Variants in UGT1A9 observed in about 807,000 individuals in gnomAD.
UGT1A9 encodes the protein UDP-glucuronosyltransferase 1A9.
Under a neutral mutation model 45.0 loss-of-function variants are expected in UGT1A9, and 35 were observed. That is an observed-to-expected ratio of 0.78 (90% CI 0.59 to 1.03). The LOEUF is 1.03. Ranked by LOEUF, UGT1A9 falls within the 50% of genes least tolerant of loss-of-function variation. The probability of loss-of-function intolerance (pLI) is 0.00; values close to 1 mark genes in which losing one functional copy is unlikely to be tolerated. For synonymous variants in UGT1A9, 278 were observed against 250.6 expected (o/e 1.11, Z -1.03); for missense variants, 687 against 666.6 (o/e 1.03, Z -0.34).
intron 1 of UGT1A9, chr2:233,747,179 G>A: frequency 3.7e-6 from 6 of 1,601,464 alleles, no homozygotes; most frequent in Non-Finnish European, 3.4e-6. Context: ...GCACAGCGTG[G>A]GGTGGACAGT....
At position 233,672,762 on chromosome 2, in the gene UGT1A9, C is replaced by T; in HGVS notation, c.828C>T (p.Asn276=). 1 of 1,613,872 alleles carries T rather than the reference C, an allele frequency of 6.2e-7. No homozygotes were observed. Among genetic ancestry groups the T allele is most frequent in the Non-Finnish European group, 8.5e-7 (1 of 1,179,784 alleles). Reference sequence around the variant, plus strand: ...ACATGATCTTCATTGGTGGTATCAACTGCCATCAGGGAAAGCCGTTGCCTA... The same window carrying T: ...ACATGATCTTCATTGGTGGTATCAATTGCCATCAGGGAAAGCCGTTGCCTA... ...MPNMIFIGGI[N]CHQGKPLPME... The change falls in exon 1 of 5, where the codon AAC becomes AAT. Residue 276 remains asparagine (N), a synonymous_variant. Coordinates refer to ENST00000354728, the MANE Select transcript of UGT1A9 (RefSeq NM_021027.3).
chr2:233,752,202 T>G (rs1037176887), intron 1 of UGT1A9: 1 of 152,188 alleles, frequency 6.6e-6, no homozygotes, highest in African/African-American at 2.4e-5. Context: ...TGTGTTGAAC[T>G]CCAGCCAGAA....
intron 1 of UGT1A9, chr2:233,718,981 G>C: frequency 1.9e-6 from 3 of 1,614,238 alleles, no homozygotes; most frequent in Non-Finnish European, 2.5e-6. Flanking sequence ...CTCCATGCCA[G>C]AGGCCACCAG....
rs373150809 is a variant in UGT1A9, at chr2:233,672,158, A to G, written c.224A>G (p.Lys75Arg). 1.4e-5 allele frequency: 22 copies of G among 1,614,080 alleles called. No homozygotes were observed. The highest frequency in any genetic ancestry group is 8.9e-5 in the East Asian group (4 of 44,902). Reference sequence around the variant, plus strand: ...GGAAGATCACTGAATTGCACAGTGAAGACTTATTCAACTTCATATACCCTG... The same window carrying G: ...GGAAGATCACTGAATTGCACAGTGAGGACTTATTCAACTTCATATACCCTG... ...QLGRSLNCTV[K>R]TYSTSYTLED... is the part of the protein sequence containing the mutation. The change falls in exon 1 of 5, where the codon AAG (lysine) becomes AGG (arginine). Residue 75 changes from lysine to arginine, a missense_variant. By Grantham distance (26) the Lys-to-Arg change is conservative (BLOSUM62 2). Transcript: ENST00000354728.
intron 1 of UGT1A9, among the ~76,000 whole-genome samples, chr2:233,707,554 G>GTTTTTTTTTTTTTTTTTTTTTTT (rs2075972438): frequency 7.1e-6 from 1 of 141,820 alleles, no homozygotes. Context: ...TTTTTTTTTG[G>GTTTTTTTTTTTTTTTTTTTTTTT]TTCAACCTTA....
In UGT1A9 at chr2:233,738,243, A is replaced by C. The variant is rs57963849; in HGVS notation, c.856-28791A>C. Among the ~76,000 whole-genome samples, 1,478 of 152,302 alleles carry C rather than the reference A, an allele frequency of 9.7e-3. 33 individuals are homozygous for C. The highest frequency in any genetic ancestry group is 0.033 in the African/African-American group (1,387 of 41,562). On this transcript the variant is annotated intron_variant, in intron 1 of 4. Coordinates refer to ENST00000354728, the MANE Select transcript of UGT1A9 (RefSeq NM_021027.3). Reference sequence around the variant, plus strand: ...AGTTTCCTGAGGCCCCTCCAGCCACATGGAACTGGAGTCAATTAAAGCTCT... The same window carrying C: ...AGTTTCCTGAGGCCCCTCCAGCCACCTGGAACTGGAGTCAATTAAAGCTCT...
rs528884709 is a variant in UGT1A9, at chr2:233,723,430, G to A, written c.856-43604G>A. Among the ~76,000 whole-genome samples the A allele has an allele frequency of 9.0e-5, 12 of 133,776 alleles. 1 individual carries two copies. In the South Asian group the frequency reaches 1.7e-3, roughly 19 times the overall value. 87.8% of individuals were successfully genotyped at this position (133,776 alleles called of 152,430 possible). On this transcript the variant is annotated intron_variant, in intron 1 of 4. Coordinates refer to ENST00000354728, the MANE Select transcript of UGT1A9 (RefSeq NM_021027.3). ...TCACCATACTGGTCAGGCTGGTCTC[G>A]AACTCCTGACCTCAGGTGATCCACC...
Position 233,681,974 on chromosome 2 carries a change from T to C in UGT1A9, c.855+9185T>C, listed in dbSNP as rs1348746659. 13 of 1,614,168 alleles carry C rather than the reference T, an allele frequency of 8.1e-6. No individual in the cohort carries two copies. The East Asian group carries it at 1.6e-4, about 19-fold the overall frequency. On this transcript the variant is annotated intron_variant, in intron 1 of 4. Transcript: ENST00000354728. The stretch of plus-strand genomic sequence containing the variant: ...AGGGTGGACTGGCCTCCTTCCCCTA[T>C]ATGTGTGTCTACTGCTGACCTGTGG...
chr2:233,705,657 A>C (rs2075863196), intron 1 of UGT1A9, among the ~76,000 whole-genome samples: 1 of 152,176 alleles, frequency 6.6e-6, no homozygotes, highest in South Asian at 2.1e-4. Context: ...CTTCTCATAA[A>C]TTATAGTTGT....
intron 1 of UGT1A9, among the ~76,000 whole-genome samples, chr2:233,731,986 G>A (rs184170345): frequency 7.2e-5 from 11 of 152,312 alleles, no homozygotes; most frequent in East Asian, 1.9e-4. Context: ...TCTAACTGGC[G>A]TGAGATGGTA....
rs1394358402 is a variant in UGT1A9 at position 233,747,887 on chromosome 2, T to C, written c.856-19147T>C. The C allele has an allele frequency of 1.2e-5, 19 of 1,613,492 alleles. No homozygotes were observed. The South Asian group carries it at 2.0e-4, about 17-fold the overall frequency. ...CTCTGGCCCTGTCCTACCTTTGCCA[T>C]GCTCTTTCTGCTCCTTATGCAAGCC... On this transcript the variant is annotated intron_variant, in intron 1 of 4. Transcript: ENST00000354728.
At chr2:233,729,381 C>T (rs141683822) in intron 1 of UGT1A9, 80 of 1,613,822 alleles carry the variant, frequency 5.0e-5, no homozygotes, top group Non-Finnish European at 6.7e-5. Flanking sequence ...TTTCGTGGAC[C>T]CAGGATGAAT....
At chr2:233,737,138 G>A (rs1186912259) in intron 1 of UGT1A9, among the ~76,000 whole-genome samples, 2 of 152,230 alleles carry the variant, frequency 1.3e-5, no homozygotes, top group African/African-American at 4.8e-5. Flanking sequence ...GCTGCCTTTT[G>A]TTCAGATATG....
At chr2:233,745,320 A>T (rs1693070605) in intron 1 of UGT1A9, among the ~76,000 whole-genome samples, 1 of 151,792 alleles carries the variant, frequency 6.6e-6, no homozygotes, top group African/African-American at 2.4e-5. Flanking sequence ...TTTCCACTAG[A>T]ACTGCTATAT....
At chr2:233,753,385 T>G (rs1695193775) in intron 1 of UGT1A9, 2 of 152,290 alleles carry the variant, frequency 1.3e-5, no homozygotes, top group South Asian at 4.1e-4. Flanking sequence ...GATTGGACTC[T>G]GAGGGTACTA....
intron 1 of UGT1A9, among the ~76,000 whole-genome samples, chr2:233,732,578 C>T (rs902333577): frequency 6.6e-6 from 1 of 152,146 alleles, no homozygotes; most frequent in Non-Finnish European, 1.5e-5. Context: ...TTCCCCATTG[C>T]TTGTTTTTGT....
Position 233,772,408 on chromosome 2 carries a change from A to T in UGT1A9, c.1442A>T (p.Tyr481Phe). The T allele has an allele frequency of 6.2e-7, 1 of 1,614,210 alleles. No homozygotes were observed. Among genetic ancestry groups the T allele is most frequent in the Middle Eastern group, 1.6e-4 (1 of 6,062 alleles). ...CCCGCAGCCCACGACCTCACCTGGT[A>T]CCAGTACCATTCCTTGGACGTGATT... ...LRPAAHDLTW[Y>F]QYHSLDVIGF... Residue 481 changes from tyrosine to phenylalanine, a missense_variant, in exon 5 of 5, where the codon TAC (tyrosine) becomes TTC (phenylalanine). Transcript: ENST00000354728.
At position 233,744,814 on chromosome 2, in the gene UGT1A9, C is replaced by T. The variant is rs571865422; in HGVS notation, c.856-22220C>T. 9.2e-5 allele frequency among the ~76,000 whole-genome samples: 14 copies of T among 152,002 alleles called. No individual in the cohort carries two copies. In the East Asian group the frequency reaches 9.6e-4, roughly 10 times the overall value. On this transcript the variant is annotated intron_variant, in intron 1 of 4. Transcript: ENST00000354728. ...CTTGGGGATCCCTAGGATTTCCTGG[C>T]TCATACTTTGAGAATCGCTAGTCTA...
chr2:233,712,953 C>T (rs759675918), intron 1 of UGT1A9: 31 of 1,612,662 alleles, frequency 1.9e-5, no homozygotes, highest in Middle Eastern at 2.0e-4. Context: ...GGAGGCACAA[C>T]GTGGGGTGGA....
Sources: allele counts gnomAD v4.1 joint callset (sites outside exome capture counted in the v4.1 genomes callset), GRCh38; gene constraint gnomAD v4.1.1; transcripts MANE v1.5; gene names NCBI Gene and HGNC (gene_info 2026-07-23, HGNC 2026-07-21).